TPRG1: variants seen among roughly 807,000 people sequenced by gnomAD.
The protein encoded by TPRG1 is tumor protein p63-regulated gene 1 protein.
A neutral mutation model predicts 29.3 loss-of-function variants in TPRG1; 29 were observed. The observed-to-expected ratio is 0.99, with a 90% CI of 0.74 to 1.35. The LOEUF (loss-of-function observed/expected upper bound fraction) is 1.35. Among genes scored for constraint, TPRG1 ranks in the 40% most tolerant of loss-of-function variants. TPRG1 has a pLI of 0.00. For missense variants in TPRG1, 327 were observed against 335.0 expected, an observed-to-expected ratio of 0.98 and a Z score of 0.19; for synonymous variants, 130 against 116.8, an observed-to-expected ratio of 1.11 and a Z score of -0.73.
At chr3:189,159,366 A>G (rs1451999074) in intron 5 of TPRG1, among the ~76,000 whole-genome samples, 1 of 152,102 alleles carries the variant, frequency 6.6e-6, no homozygotes, top group African/African-American at 2.4e-5. Flanking sequence ...CATTTCAGGT[A>G]GAGGGAATAA....
chr3:189,082,957 G>T (rs919449083), intron 4 of TPRG1, among the ~76,000 whole-genome samples: 1 of 152,148 alleles, frequency 6.6e-6, no homozygotes, highest in African/African-American at 2.4e-5. Context: ...TGAAGGAAGA[G>T]AAATGGTATT....
At chr3:189,146,829 G>A (rs987192404) in intron 3 of TPRG1, among the ~76,000 whole-genome samples, 12 of 152,318 alleles carry the variant, frequency 7.9e-5, no homozygotes, top group African/African-American at 2.6e-4. Context: ...GTTCTTAGAG[G>A]TTTCCAAAGC....
intron 4 of TPRG1, among the ~76,000 whole-genome samples, chr3:189,063,476 C>T (rs1001066343): frequency 2.6e-5 from 4 of 151,874 alleles, no homozygotes; most frequent in Admixed American, 1.3e-4. Context: ...TTTTCAAGTG[C>T]CCATTTAACA....
At chr3:189,159,749 CT>C (rs1328363601) in intron 5 of TPRG1, among the ~76,000 whole-genome samples, 3 of 151,832 alleles carry the variant, frequency 2.0e-5, no homozygotes, top group Non-Finnish European at 4.4e-5. Flanking sequence ...AATTGGGCAC[CT>C]GTTTCCAATT....
chr3:189,310,938 C>T (rs1935338289), intron 5 of TPRG1, among the ~76,000 whole-genome samples: 1 of 152,100 alleles, frequency 6.6e-6, no homozygotes, highest in Non-Finnish European at 1.5e-5. Flanking sequence ...CTTTCTGAGA[C>T]TTGGTAGTCT....
At chr3:189,302,354 C>T (rs559776677) in intron 4 of TPRG1, among the ~76,000 whole-genome samples, 13 of 152,180 alleles carry the variant, frequency 8.5e-5, no homozygotes, top group East Asian at 1.9e-4. Flanking sequence ...CAATTGTATC[C>T]GGAGCAATTT....
At position 189,229,962 on chromosome 3, in the gene TPRG1, G is replaced by A. The variant is rs78205862; in HGVS notation, c.303-8771G>A. 5.4e-3 allele frequency among the ~76,000 whole-genome samples: 827 copies of A among 152,258 alleles called. 3 individuals are homozygous for A. The highest frequency in any genetic ancestry group is 0.017 in the African/African-American group (700 of 41,536). On this transcript the variant is annotated intron_variant, in intron 3 of 5. Coordinates refer to ENST00000345063, the MANE Select transcript of TPRG1 (RefSeq NM_198485.4). Reference sequence around the variant, plus strand: ...TGTGTACATTTGTGCTATCTTGTCCGTCTGTTCTTCCCTCCTTGCAGCCTC... The same window carrying A: ...TGTGTACATTTGTGCTATCTTGTCCATCTGTTCTTCCCTCCTTGCAGCCTC...
intron 1 of TPRG1, among the ~76,000 whole-genome samples, chr3:189,113,447 C>T (rs1051633527): frequency 1.3e-5 from 2 of 152,224 alleles, no homozygotes; most frequent in Middle Eastern, 3.4e-3. Context: ...GCATCCCTGT[C>T]TTGTGCCAGT....
intron 4 of TPRG1, among the ~76,000 whole-genome samples, chr3:189,282,813 G>A (rs528028445): frequency 7.0e-4 from 107 of 152,294 alleles, no homozygotes; most frequent in African/African-American, 2.3e-3. Context: ...GATCAGATAC[G>A]TGAGATGAGG....
intron 4 of TPRG1, among the ~76,000 whole-genome samples, chr3:189,293,244 T>G (rs946254411): frequency 1.3e-5 from 2 of 152,140 alleles, no homozygotes; most frequent in African/African-American, 4.8e-5. Context: ...GGCTCCCAAT[T>G]TCAACATTGT....
upstream of TPRG1, among the ~76,000 whole-genome samples, chr3:189,167,868 GA>G (rs1164226952): frequency 1.1e-4 from 16 of 152,184 alleles, 1 homozygote; most frequent in Admixed American, 4.6e-4. Context: ...GTCAAGAGCA[GA>G]CCTTATTTTG....
chr3:189,106,267 G>A (rs1719813311), intron 1 of TPRG1, among the ~76,000 whole-genome samples: 1 of 152,074 alleles, frequency 6.6e-6, no homozygotes, highest in African/African-American at 2.4e-5. Context: ...TTACTTCAAA[G>A]CCTTTGAATG....
At chr3:189,230,297 G>A (rs1471425176) in intron 3 of TPRG1, among the ~76,000 whole-genome samples, 1 of 152,176 alleles carries the variant, frequency 6.6e-6, no homozygotes. Context: ...AATGTATGCA[G>A]CCTGGGATGA....
At chr3:189,246,292 G>T (rs1741375350) in intron 4 of TPRG1, among the ~76,000 whole-genome samples, 2 of 152,268 alleles carry the variant, frequency 1.3e-5, no homozygotes, top group South Asian at 4.1e-4. Context: ...TTAGAACCGT[G>T]AGTCCATTAA....
In TPRG1 at chr3:189,206,047, T is replaced by TTC. The variant is rs1216401377; in HGVS notation, c.-9-1329_-9-1328insTC. Among the ~76,000 whole-genome samples the TTC allele has an allele frequency of 9.5e-4, 51 of 53,708 alleles. 1 individual carries two copies. The highest frequency in any genetic ancestry group is 5.1e-3 in the African/African-American group (49 of 9,656). The allele number at this position is 53,708 out of a possible 152,430, so 35.2% of individuals were successfully genotyped here. A position where few individuals can be genotyped will look rare whatever the true frequency, so the allele number is the denominator to read the frequency against. The stretch of plus-strand genomic sequence containing the variant: ...TCCTTCCTTCCTTCCTTCCTTCCTT[T>TTC]CTTCTGTCTTTCTTTCTTTTTTCTT... On this transcript the variant is annotated intron_variant, in intron 1 of 5. Transcript: ENST00000345063.
intron 1 of TPRG1, among the ~76,000 whole-genome samples, chr3:189,102,428 T>G (rs916123511): frequency 2.6e-5 from 4 of 152,206 alleles, no homozygotes; most frequent in Admixed American, 2.6e-4. Context: ...GTTCCAATAT[T>G]GGTGGCTTTT....
intron 3 of TPRG1, among the ~76,000 whole-genome samples, chr3:189,021,445 G>A (rs1178330218): frequency 7.2e-4 from 110 of 151,884 alleles, no homozygotes; most frequent in Middle Eastern, 3.4e-3. Context: ...AAAATCTCTC[G>A]GCATTTGCTT....
intron 1 of TPRG1, among the ~76,000 whole-genome samples, chr3:189,202,116 G>GTAGTTATTCA (rs905728749): frequency 2.0e-5 from 3 of 152,112 alleles, no homozygotes; most frequent in African/African-American, 7.2e-5. Context: ...AGCTCTCAGG[G>GTAGTTATTCA]TAGTTATTCA....
chr3:189,090,486 T>C (rs890308301), intron 4 of TPRG1, among the ~76,000 whole-genome samples: 2 of 152,114 alleles, frequency 1.3e-5, no homozygotes, highest in African/African-American at 2.4e-5. Flanking sequence ...AGGATGACGA[T>C]TATTGAGAAA....
Sources: allele counts gnomAD v4.1 joint callset (sites outside exome capture counted in the v4.1 genomes callset), GRCh38; gene constraint gnomAD v4.1.1; transcripts MANE v1.5; gene names NCBI Gene and HGNC (gene_info 2026-07-23, HGNC 2026-07-21).